MAML2: variants seen among roughly 807,000 people sequenced by gnomAD.
MAML2 encodes the protein mastermind-like protein 2.
A neutral mutation model predicts 96.1 loss-of-function variants in MAML2; 22 were observed. That is an observed-to-expected ratio of 0.23 (90% CI 0.16 to 0.33). MAML2 has a LOEUF of 0.33. Among genes scored for constraint, MAML2 ranks in the 10% least tolerant of loss-of-function variants. The pLI is 1.00. For synonymous variants in MAML2, 561 were observed against 521.3 expected, an observed-to-expected ratio of 1.08 and a Z score of -1.04; for missense variants, 1,367 against 1,392.4, an observed-to-expected ratio of 0.98 and a Z score of 0.29.
chr11:96,035,473 C>T (rs1223980698), intron 2 of MAML2, among the ~76,000 whole-genome samples: 1 of 152,130 alleles, frequency 6.6e-6, no homozygotes, highest in East Asian at 1.9e-4. Flanking sequence ...CTGGGTCTGT[C>T]AGGTGTTAGC....
intron 1 of MAML2, among the ~76,000 whole-genome samples, chr11:96,124,857 A>G (rs1375220301): frequency 1.3e-5 from 2 of 152,208 alleles, no homozygotes; most frequent in African/African-American, 4.8e-5. Context: ...ATTTGCAAAA[A>G]GAAGCTGCTT....
intron 2 of MAML2, among the ~76,000 whole-genome samples, chr11:95,993,642 C>T (rs1246238237): frequency 2.0e-5 from 3 of 152,150 alleles, no homozygotes; most frequent in Non-Finnish European, 4.4e-5. Flanking sequence ...GTGGTAGGTA[C>T]ACTGTTTGTG....
chr11:95,998,202 CATCT>C (rs1165475695), intron 2 of MAML2, among the ~76,000 whole-genome samples: 8 of 116,900 alleles, frequency 6.8e-5, no homozygotes, highest in Non-Finnish European at 1.4e-4. Context: ...CCCATCCATC[CATCT>C]ACGTACCCAA....
chr11:96,203,533 G>A (rs939857430), intron 1 of MAML2, among the ~76,000 whole-genome samples: 14 of 151,944 alleles, frequency 9.2e-5, no homozygotes, highest in African/African-American at 2.4e-4. Flanking sequence ...TAAGTCAGCC[G>A]GCAAGCTGCT....
rs545334797 is a variant in MAML2 at position 96,083,086 on chromosome 11, TG to T, written c.2139+8805del. On this transcript the variant is annotated intron_variant, in intron 2 of 4. Coordinates refer to ENST00000524717, the MANE Select transcript of MAML2 (RefSeq NM_032427.4). Reference sequence around the variant, plus strand: ...ATGTTGGCCTCTGAGAAGTGGCACGTGGGGTGCAAGGGAGAAAATGAGACAG... The same window carrying T: ...ATGTTGGCCTCTGAGAAGTGGCACGTGGGTGCAAGGGAGAAAATGAGACAG... Among the ~76,000 whole-genome samples the T allele has an allele frequency of 6.6e-5, 10 of 152,310 alleles. No homozygotes were observed. In the East Asian group the frequency reaches 1.9e-3, roughly 29 times the overall value.
chr11:96,107,849 C>T (rs1018071618), intron 1 of MAML2, among the ~76,000 whole-genome samples: 1 of 152,214 alleles, frequency 6.6e-6, no homozygotes, highest in African/African-American at 2.4e-5. Context: ...AGGTAGGGCA[C>T]CCAGGGAGGG....
chr11:96,086,875 T>C (rs1209029681), intron 2 of MAML2, among the ~76,000 whole-genome samples: 4 of 152,134 alleles, frequency 2.6e-5, no homozygotes, highest in Non-Finnish European at 5.9e-5. Context: ...CCTCCCTACA[T>C]TCGAATTGAC....
At chr11:96,185,629 C>G (rs1327006632) in intron 1 of MAML2, among the ~76,000 whole-genome samples, 1 of 152,188 alleles carries the variant, frequency 6.6e-6, no homozygotes, top group Non-Finnish European at 1.5e-5. Flanking sequence ...GCAAGAAATG[C>G]TGACTCTCAG....
At chr11:96,172,634 A>G (rs1448121759) in intron 1 of MAML2, among the ~76,000 whole-genome samples, 1 of 152,178 alleles carries the variant, frequency 6.6e-6, no homozygotes, top group African/African-American at 2.4e-5. Flanking sequence ...AAAACACAAT[A>G]TGAGTAGTGG....
intron 1 of MAML2, among the ~76,000 whole-genome samples, chr11:96,108,735 T>C (rs938226877): frequency 1.3e-5 from 2 of 152,014 alleles, no homozygotes; most frequent in South Asian, 2.1e-4. Context: ...AAAATAAGAC[T>C]ATAAAAGTGT....
At chr11:96,265,693 A>T (rs2135976206) in intron 1 of MAML2, among the ~76,000 whole-genome samples, 1 of 152,334 alleles carries the variant, frequency 6.6e-6, no homozygotes, top group African/African-American at 2.4e-5. Context: ...GGAACACACA[A>T]GCGGCTAGAC....
At chr11:96,048,255 G>A (rs1858938695) in intron 2 of MAML2, among the ~76,000 whole-genome samples, 1 of 152,168 alleles carries the variant, frequency 6.6e-6, no homozygotes, top group Non-Finnish European at 1.5e-5. Flanking sequence ...TAATAGGTGA[G>A]CAAGTTAATG....
chr11:96,237,283 G>A (rs1046236871), intron 1 of MAML2, among the ~76,000 whole-genome samples: 7 of 152,124 alleles, frequency 4.6e-5, no homozygotes, highest in African/African-American at 1.7e-4. Flanking sequence ...CCCTCACAAA[G>A]CTTTGAACAT....
At chr11:96,190,587 T>G (rs74451003) in intron 1 of MAML2, among the ~76,000 whole-genome samples, 3,777 of 152,314 alleles carry the variant, frequency 0.025, 72 homozygotes, top group Non-Finnish European at 0.039. Flanking sequence ...CAGAATAAAT[T>G]TATCAATTAC....
At chr11:96,200,053 A>G (rs904497389) in intron 1 of MAML2, among the ~76,000 whole-genome samples, 2 of 152,152 alleles carry the variant, frequency 1.3e-5, no homozygotes, top group Non-Finnish European at 2.9e-5. Flanking sequence ...CCAGGAATCA[A>G]CTCAGGTAAA....
Position 96,092,304 on chromosome 11 carries a change from G to A in MAML2, c.1727C>T (p.Pro576Leu), listed in dbSNP as rs929553733. 5 of 1,577,860 alleles carry A rather than the reference G, an allele frequency of 3.2e-6. No individual in the cohort carries two copies. The highest frequency in any genetic ancestry group is 2.7e-5 in the African/African-American group (2 of 74,160). ...QANQQMPSVLPSQNKPSLLHY... is the reference protein window; with the variant it reads ...QANQQMPSVLLSQNKPSLLHY... ...TAGGAGAGAAGGCTTGTTCTGGGAA[G>A]GCAAAACAGAAGGCATCTGCTGGTT... The change falls in exon 2 of 5, where the codon CCT becomes CTT. Residue 576 changes from proline to leucine, a missense_variant. Pro to Leu is a moderately conservative substitution (Grantham distance 98). Coordinates refer to ENST00000524717, the MANE Select transcript of MAML2 (RefSeq NM_032427.4). The surrounding 1 kb of genome is among the most constrained non-coding windows in gnomAD (Gnocchi z 4.1).
intron 1 of MAML2, among the ~76,000 whole-genome samples, chr11:96,309,886 A>G (rs1420866561): frequency 1.3e-5 from 2 of 151,790 alleles, no homozygotes; most frequent in Non-Finnish European, 2.9e-5. Context: ...TTTTTTTTGT[A>G]GAGATGGGTT....
At chr11:96,020,419 C>T (rs1421687314) in intron 2 of MAML2, among the ~76,000 whole-genome samples, 2 of 152,160 alleles carry the variant, frequency 1.3e-5, no homozygotes, top group African/African-American at 2.4e-5. Flanking sequence ...CAAAATGTAT[C>T]TAACTTATGG....
chr11:96,289,523 C>G (rs1863182402), intron 1 of MAML2, among the ~76,000 whole-genome samples: 1 of 152,134 alleles, frequency 6.6e-6, no homozygotes, highest in African/African-American at 2.4e-5. Flanking sequence ...ATAAATGTAA[C>G]TTTCCTAACT....
Sources: allele counts gnomAD v4.1 joint callset (sites outside exome capture counted in the v4.1 genomes callset), GRCh38; gene constraint gnomAD v4.1.1; non-coding constraint Gnocchi (gnomAD v3.1); transcripts MANE v1.5; gene names NCBI Gene and HGNC (gene_info 2026-07-23, HGNC 2026-07-21).